Variants in CCDC149 observed in about 807,000 individuals in gnomAD.
CCDC149 encodes coiled-coil domain-containing protein 149.
In CCDC149, 45 loss-of-function variants were observed where a neutral mutation model predicts 59.9. That is an observed-to-expected ratio of 0.75 (90% CI 0.59 to 0.96). CCDC149 has a LOEUF of 0.96. CCDC149 is among the 40% of genes least tolerant of loss of function. The pLI is 0.00. For synonymous variants in CCDC149, 245 were observed against 260.6 expected, an observed-to-expected ratio of 0.94 and a Z score of 0.58; for missense variants, 584 against 664.7, an observed-to-expected ratio of 0.88 and a Z score of 1.33.
Position 24,808,701 on chromosome 4 carries a change from T to A in CCDC149, c.1311A>T (p.Gln437His). ...GTAATGAAGGATGAAAGAGCTTGCA[T>A]TGGTTCCCGCGGCTCTGATTTGCTG... The change falls in exon 13 of 13, where the codon CAA (glutamine) becomes CAT (histidine). Residue 437 changes from glutamine to histidine, a missense_variant. Physicochemically the swap from Gln to His is conservative, Grantham distance 24. Transcript: ENST00000635206. 9 of 1,552,360 alleles carry A rather than the reference T, an allele frequency of 5.8e-6. No homozygotes were observed. Among genetic ancestry groups the A allele is most frequent in the Non-Finnish European group, 7.8e-6 (9 of 1,147,134 alleles).
intron 1 of CCDC149, among the ~76,000 whole-genome samples, chr4:24,903,802 T>C (rs1721318543): frequency 2.6e-4 from 2 of 7,790 alleles, no homozygotes; most frequent in Admixed American, 2.9e-3. Flanking sequence ...ATTTTTAGCT[T>C]TTTTTTTTTT....
downstream of CCDC149, among the ~76,000 whole-genome samples, chr4:24,803,712 T>C (rs1415478455): frequency 1.3e-5 from 2 of 152,252 alleles, no homozygotes; most frequent in Non-Finnish European, 2.9e-5. This position sits in a 1 kb window ranked among gnomAD's most constrained non-coding sequence, Gnocchi z 4.3. Context: ...CACTGGCCTC[T>C]GCTAAGATCC....
rs1165289099 is a variant in CCDC149, at chr4:24,939,137, C to A, written c.-65+40932G>T. Among the ~76,000 whole-genome samples the A allele has an allele frequency of 1.4e-4, 22 of 152,220 alleles. 1 individual carries two copies. The highest frequency in any genetic ancestry group is 2.4e-4 in the Non-Finnish European group (16 of 68,030). ...ACCCCTGAGTAGCCTAACTGGGAGGCACCCCCCAGTAGGGGCGGACTGACA... is the reference window on the plus strand; with the variant it reads ...ACCCCTGAGTAGCCTAACTGGGAGGAACCCCCCAGTAGGGGCGGACTGACA... On this transcript the variant is annotated intron_variant, in intron 1 of 12. Transcript: ENST00000389609.
At chr4:24,954,035 C>T (rs566586234) in intron 1 of CCDC149, among the ~76,000 whole-genome samples, 1 of 151,840 alleles carries the variant, frequency 6.6e-6, no homozygotes, top group South Asian at 2.1e-4. Flanking sequence ...TGAACAAAGC[C>T]TAAAGAACCT....
rs1247369010 is a variant in CCDC149 at position 24,873,565 on chromosome 4, A to G, written c.264+116T>C. ...TTGGAATCTCTACCTACTCCTCCCA[A>G]TAACAGAAAGAATTCCAGGAAATTA... is the stretch of plus-strand genomic sequence containing the variant. On this transcript the variant is annotated intron_variant, in intron 3 of 12. Coordinates refer to ENST00000635206, the MANE Select transcript of CCDC149 (RefSeq NM_001330643.2). 5.2e-6 allele frequency: 4 copies of G among 769,682 alleles called. No individual in the cohort carries two copies. In the Admixed American group the frequency reaches 9.2e-5, roughly 18 times the overall value. The allele number at this position is 769,682 out of a possible 1,614,324, so 47.7% of individuals were successfully genotyped here.
chr4:24,912,120 A>G (rs1270923461), intron 1 of CCDC149, among the ~76,000 whole-genome samples: 1 of 152,228 alleles, frequency 6.6e-6, no homozygotes, highest in African/African-American at 2.4e-5. Flanking sequence ...GGGGAACTGA[A>G]GAGCAAACAG....
intron 9 of CCDC149, chr4:24,828,344 G>A (rs1715901274): frequency 6.6e-6 from 1 of 151,846 alleles, no homozygotes; most frequent in Admixed American, 6.6e-5. Flanking sequence ...AATATATTGT[G>A]CATTTGCTTA....
intron 1 of CCDC149, among the ~76,000 whole-genome samples, chr4:24,964,751 T>G (rs1262487064): frequency 6.6e-6 from 1 of 152,100 alleles, no homozygotes; most frequent in Non-Finnish European, 1.5e-5. Context: ...CCAAATACAA[T>G]AAACCCAAAG....
intron 1 of CCDC149, among the ~76,000 whole-genome samples, chr4:24,929,413 T>C (rs941311658): frequency 2.6e-5 from 4 of 152,232 alleles, no homozygotes; most frequent in African/African-American, 9.6e-5. Flanking sequence ...ACCGCTATCA[T>C]TTCCATAATC....
chr4:24,824,013 G>T (rs1437504851), intron 9 of CCDC149, among the ~76,000 whole-genome samples: 4 of 152,194 alleles, frequency 2.6e-5, no homozygotes, highest in African/African-American at 9.6e-5. Context: ...AGTTTGAGAT[G>T]CAATCACAAC....
intron 12 of CCDC149, among the ~76,000 whole-genome samples, chr4:24,817,538 C>A (rs1394477194): frequency 6.6e-6 from 1 of 151,666 alleles, no homozygotes; most frequent in African/African-American, 2.4e-5. Flanking sequence ...TCTGGGTCTT[C>A]TTACCCAGTG....
intron 12 of CCDC149, among the ~76,000 whole-genome samples, chr4:24,816,094 A>AT (rs886164509): frequency 2.0e-5 from 3 of 151,362 alleles, no homozygotes; most frequent in East Asian, 1.9e-4. Flanking sequence ...TTTTAATTTA[A>AT]TTTTTTTTTC....
chr4:24,869,531 G>A (rs1352560699), intron 3 of CCDC149, among the ~76,000 whole-genome samples: 1 of 152,200 alleles, frequency 6.6e-6, no homozygotes, highest in African/African-American at 2.4e-5. Flanking sequence ...CAAGGGCAGT[G>A]TGTCCTGTTG....
intron 1 of CCDC149, among the ~76,000 whole-genome samples, chr4:24,901,632 T>C (rs1452258855): frequency 6.6e-6 from 1 of 152,188 alleles, no homozygotes. Flanking sequence ...ACTATGAAGA[T>C]AGCTGCTCAT....
At chr4:24,852,960 C>G in intron 4 of CCDC149, 112 bp downstream of exon 4, 2 of 715,598 alleles carry the variant, frequency 2.8e-6, no homozygotes, top group Non-Finnish European at 4.8e-6. Context: ...ATTTAAAAAT[C>G]TATAACAAAC....
In CCDC149 at chr4:24,806,152, G is replaced by A. The variant is rs1404764369; in HGVS notation, c.*2237C>T. ...AAGCCCCTTTAATGTCTGTGGAACA[G>A]AAGAACCATGTTGGATGGGGAAAGC... On this transcript the variant is annotated 3_prime_UTR_variant, in exon 13 of 13. Coordinates refer to ENST00000635206, the MANE Select transcript of CCDC149 (RefSeq NM_001330643.2). 3.3e-5 allele frequency: 5 copies of A among 152,198 alleles called. No individual in the cohort carries two copies. The highest frequency in any genetic ancestry group is 2.6e-4 in the Admixed American group (4 of 15,276). 9.4% of individuals were successfully genotyped at this position (152,198 alleles called of 1,614,324 possible).
rs73105534 is a variant in CCDC149, at chr4:24,975,481, C to A, written c.-65+4588G>T. Among the ~76,000 whole-genome samples the A allele has an allele frequency of 7.2e-3, 669 of 93,114 alleles. 4 individuals carry two copies. Among genetic ancestry groups the A allele is most frequent in the African/African-American group, 0.028 (642 of 22,674 alleles). 61.1% of individuals were successfully genotyped at this position (93,114 alleles called of 152,430 possible). A position where few individuals can be genotyped will look rare whatever the true frequency, so the allele number is the denominator to read the frequency against. On this transcript the variant is annotated intron_variant, in intron 1 of 12. Coordinates refer to the CCDC149 transcript ENST00000389609. ...GGGAGGGGAGGGGAAGAGAAGAAAG[C>A]GGGGAGGAGAGGGGACAGGAGAGGG...
chr4:24,848,300 G>A (rs552378104), intron 4 of CCDC149, among the ~76,000 whole-genome samples: 13 of 152,198 alleles, frequency 8.5e-5, no homozygotes, highest in Admixed American at 2.0e-4. Flanking sequence ...GGCCAGGCAC[G>A]GTGCTAACAT....
chr4:24,866,608 G>A lies in CCDC149; in HGVS notation c.264+7073C>T, dbSNP rs376051390. On this transcript the variant is annotated intron_variant, in intron 3 of 12. Transcript: ENST00000635206. The stretch of plus-strand genomic sequence containing the variant: ...TTTTCATTTCAATATCCCACGAGAA[G>A]CTATTAGTGCAATCACTGTTGTCTC... 2.0e-5 allele frequency among the ~76,000 whole-genome samples: 3 copies of A among 152,160 alleles called. No homozygotes were observed. The East Asian group carries it at 5.8e-4, about 30-fold the overall frequency.
Sources: gnomAD v4.1 joint callset for allele counts (sites outside exome capture counted in the v4.1 genomes callset) on GRCh38, gnomAD v4.1.1 for gene constraint, Gnocchi (gnomAD v3.1) non-coding constraint, MANE v1.5 for transcripts, NCBI Gene and HGNC (gene_info 2026-07-23, HGNC 2026-07-21) for gene names.